KCNH7: variants seen among roughly 807,000 people sequenced by gnomAD.
KCNH7 encodes the protein potassium voltage-gated channel subfamily H member 7, also known as voltage-gated inwardly rectifying potassium channel KCNH7.
KCNH7 carries 49 observed loss-of-function variants against 120.8 expected under a neutral mutation model. That is an observed-to-expected ratio of 0.41 (90% CI 0.32 to 0.51). The LOEUF (loss-of-function observed/expected upper bound fraction) is 0.51, where lower values mean the gene tolerates loss of function less well. Ranked by LOEUF, KCNH7 falls within the 20% of genes least tolerant of loss-of-function variation. The pLI is 0.38. For synonymous variants in KCNH7, 547 were observed against 516.1 expected, an observed-to-expected ratio of 1.06 and a Z score of -0.81; for missense variants, 1,097 against 1,446.6, an observed-to-expected ratio of 0.76 and a Z score of 3.92.
intron 2 of KCNH7, among the ~76,000 whole-genome samples, chr2:162,641,681 G>C (rs1437202935): frequency 6.6e-6 from 1 of 152,112 alleles, no homozygotes; most frequent in Non-Finnish European, 1.5e-5. Context: ...TGATTATACA[G>C]GCAAACTAGT....
At chr2:162,605,453 A>C (rs1008067146) in intron 2 of KCNH7, among the ~76,000 whole-genome samples, 2 of 152,036 alleles carry the variant, frequency 1.3e-5, no homozygotes, top group African/African-American at 4.8e-5. Flanking sequence ...GTTAAATCTG[A>C]TTAGGATTCT....
intron 2 of KCNH7, among the ~76,000 whole-genome samples, chr2:162,667,558 A>G (rs1685184237): frequency 1.3e-5 from 2 of 152,072 alleles, no homozygotes; most frequent in Non-Finnish European, 2.9e-5. Flanking sequence ...TTCCTCAAAC[A>G]CTCAAACTAA....
At chr2:162,744,178 C>A (rs1209531565) in intron 2 of KCNH7, among the ~76,000 whole-genome samples, 1 of 152,066 alleles carries the variant, frequency 6.6e-6, no homozygotes, top group Non-Finnish European at 1.5e-5. Flanking sequence ...GACAAACATG[C>A]CTGACTACTT....
chr2:162,531,832 T>G (rs572854898), intron 3 of KCNH7, among the ~76,000 whole-genome samples: 3 of 152,108 alleles, frequency 2.0e-5, no homozygotes, highest in African/African-American at 7.2e-5. Flanking sequence ...AAGGAAAAAT[T>G]GCTATTAAGA....
intron 8 of KCNH7, among the ~76,000 whole-genome samples, chr2:162,428,914 A>C (rs1005429269): frequency 6.6e-6 from 1 of 151,784 alleles, no homozygotes; most frequent in East Asian, 1.9e-4. Context: ...TAGACAGCAT[A>C]TGGCTGTCTT....
At chr2:162,833,309 C>T (rs1370569399) in intron 2 of KCNH7, among the ~76,000 whole-genome samples, 4 of 151,884 alleles carry the variant, frequency 2.6e-5, no homozygotes, top group Non-Finnish European at 5.9e-5. Context: ...GTTTCCTTTC[C>T]ACTTGCATCA....
At chr2:162,567,967 T>C (rs1260770127) in intron 2 of KCNH7, among the ~76,000 whole-genome samples, 2 of 152,042 alleles carry the variant, frequency 1.3e-5, no homozygotes, top group African/African-American at 2.4e-5. Flanking sequence ...TATTAGTCCA[T>C]TCTCACGTTG....
chr2:162,521,634 G>A (rs1458394390), intron 3 of KCNH7, among the ~76,000 whole-genome samples: 1 of 151,798 alleles, frequency 6.6e-6, no homozygotes, highest in East Asian at 2.0e-4. Flanking sequence ...TGGATATAGA[G>A]TTGTACATAT....
intron 2 of KCNH7, among the ~76,000 whole-genome samples, chr2:162,672,072 C>CA (rs1685379964): frequency 6.6e-6 from 1 of 151,914 alleles, no homozygotes; most frequent in Non-Finnish European, 1.5e-5. Context: ...GACAGAACCA[C>CA]AGGAAAAAAA....
intron 6 of KCNH7, among the ~76,000 whole-genome samples, chr2:162,470,437 C>T (rs1689474691): frequency 6.8e-6 from 1 of 145,986 alleles, no homozygotes; most frequent in Non-Finnish European, 1.5e-5. Flanking sequence ...CCGGCAGCCG[C>T]CCCGTCTGAG....
chr2:162,580,273 G>T (rs953188203), intron 2 of KCNH7, among the ~76,000 whole-genome samples: 27 of 151,968 alleles, frequency 1.8e-4, no homozygotes, highest in African/African-American at 6.5e-4. Flanking sequence ...AAGGAAAAAA[G>T]ATTTTTCTGA....
chr2:162,771,337 G>A (rs896511921), intron 2 of KCNH7, among the ~76,000 whole-genome samples: 3 of 152,048 alleles, frequency 2.0e-5, no homozygotes, highest in Non-Finnish European at 2.9e-5. Flanking sequence ...TATTATTCAT[G>A]TATTTGCAAC....
chr2:162,553,504 C>T (rs937526099), intron 2 of KCNH7, among the ~76,000 whole-genome samples: 48 of 152,070 alleles, frequency 3.2e-4, no homozygotes, highest in Admixed American at 1.9e-3. Flanking sequence ...AAAAAATTAG[C>T]GGGGTGTGGT....
At chr2:162,496,455 C>T (rs1037778229) in intron 6 of KCNH7, among the ~76,000 whole-genome samples, 7 of 152,102 alleles carry the variant, frequency 4.6e-5, no homozygotes, top group Admixed American at 1.3e-4. Flanking sequence ...AAATATGGAA[C>T]CCAGCCCCAT....
At chr2:162,539,543 A>G (rs1337704476) in intron 2 of KCNH7, among the ~76,000 whole-genome samples, 2 of 152,042 alleles carry the variant, frequency 1.3e-5, no homozygotes, top group African/African-American at 4.8e-5. Flanking sequence ...GTGTTTGAAA[A>G]TTTACTGTCT....
chr2:162,691,440 C>T (rs145592293), intron 2 of KCNH7, among the ~76,000 whole-genome samples: 53 of 152,194 alleles, frequency 3.5e-4, no homozygotes, highest in African/African-American at 1.2e-3. Flanking sequence ...AGACATTGTT[C>T]AGCAGGTAGG....
intron 2 of KCNH7, among the ~76,000 whole-genome samples, chr2:162,663,924 C>T (rs1197026669): frequency 6.6e-6 from 1 of 152,146 alleles, no homozygotes; most frequent in African/African-American, 2.4e-5. Flanking sequence ...GAAACCATGA[C>T]AAATCTGCAA....
chr2:162,797,502 G>A (rs1684187360), intron 2 of KCNH7: 1 of 152,038 alleles, frequency 6.6e-6, no homozygotes, highest in South Asian at 2.1e-4. Context: ...ACAAGGACTG[G>A]TTGGACCAGA....
intron 2 of KCNH7, among the ~76,000 whole-genome samples, chr2:162,557,308 A>G (rs1692889699): frequency 6.6e-6 from 1 of 152,190 alleles, no homozygotes; most frequent in Non-Finnish European, 1.5e-5. Flanking sequence ...AAGTTTCTAG[A>G]AGAAGCATCC....
Sources: gnomAD v4.1 joint callset for allele counts (sites outside exome capture counted in the v4.1 genomes callset) on GRCh38, gnomAD v4.1.1 for gene constraint, MANE v1.5 for transcripts, NCBI Gene and HGNC (gene_info 2026-07-23, HGNC 2026-07-21) for gene names.